Variants in TSPEAR observed in about 807,000 individuals in gnomAD.
TSPEAR encodes the protein thrombospondin-type laminin G domain and EAR repeat-containing protein.
Under a neutral mutation model 71.6 loss-of-function variants are expected in TSPEAR, and 69 were observed. The ratio of observed to expected loss-of-function variants is 0.96; its 90% CI spans 0.79 to 1.18. TSPEAR has a LOEUF of 1.18. TSPEAR is among the 50% of genes most tolerant of loss of function. TSPEAR has a pLI of 0.00. For missense variants in TSPEAR, 971 were observed against 894.9 expected, an observed-to-expected ratio of 1.09 and a Z score of -1.09; for synonymous variants, 402 against 387.2, an observed-to-expected ratio of 1.04 and a Z score of -0.45.
At chr21:44,502,150 C>A (rs587616187) in intron 11 of TSPEAR, among the ~76,000 whole-genome samples, 2 of 152,212 alleles carry the variant, frequency 1.3e-5, no homozygotes, top group African/African-American at 4.8e-5. Flanking sequence ...GTGGACCGCA[C>A]CACGCACTCA....
chr21:44,545,022 T>TA lies in TSPEAR; in HGVS notation c.304-11100dup, dbSNP rs587772545. ...ACATCAATGAGCCATTCTCTGTAAT[T>TA]AAAAAAAAAAAAAGAGGCCAGGCGC... On this transcript the variant is annotated intron_variant, in intron 2 of 11. Transcript: ENST00000323084. Among the ~76,000 whole-genome samples, 211 of 143,028 alleles carry TA rather than the reference T, an allele frequency of 1.5e-3. 2 individuals are homozygous for TA. The highest frequency in any genetic ancestry group is 7.4e-3 in the Middle Eastern group (2 of 272). The allele number at this position is 143,028 out of a possible 152,430, so 93.8% of individuals were successfully genotyped here.
intron 1 of TSPEAR, chr21:44,654,611 A>C (rs942914881): frequency 1.0e-5 from 16 of 1,556,310 alleles, no homozygotes; most frequent in Non-Finnish European, 1.1e-5. Flanking sequence ...CTGGTGTGGC[A>C]CATGATGGAG....
intron 2 of TSPEAR, chr21:44,550,956 C>A (rs781926576): frequency 6.2e-7 from 1 of 1,612,272 alleles, no homozygotes; most frequent in South Asian, 1.1e-5. Flanking sequence ...AGCCGGCTGG[C>A]AGCTAGACTG....
chr21:44,679,917 C>T (rs1325107857), intron 1 of TSPEAR, among the ~76,000 whole-genome samples: 5 of 152,040 alleles, frequency 3.3e-5, no homozygotes, highest in South Asian at 2.1e-4. Flanking sequence ...AACATAAGAC[C>T]GAAAACCATA....
At chr21:44,606,363 T>C (rs1981314926) in intron 1 of TSPEAR, among the ~76,000 whole-genome samples, 1 of 152,130 alleles carries the variant, frequency 6.6e-6, no homozygotes, top group African/African-American at 2.4e-5. Context: ...ATCAAAAAGA[T>C]GAAAGCGAAC....
intron 1 of TSPEAR, chr21:44,647,599 C>T: frequency 1.7e-6 from 1 of 581,844 alleles, no homozygotes; most frequent in South Asian, 2.2e-5. Context: ...TTGCTTATAC[C>T]CAATGTGACA....
intron 1 of TSPEAR, among the ~76,000 whole-genome samples, chr21:44,690,898 C>T (rs782287524): frequency 6.6e-5 from 10 of 152,292 alleles, no homozygotes; most frequent in Middle Eastern, 3.4e-3. Flanking sequence ...CAGGTATGCA[C>T]CACCATGCCA....
chr21:44,707,307 G>GT (rs1569271763), intron 1 of TSPEAR, among the ~76,000 whole-genome samples: 1 of 152,022 alleles, frequency 6.6e-6, no homozygotes, highest in East Asian at 1.9e-4. Context: ...CGGGGTGGGG[G>GT]GGGGTGCGGG....
At chr21:44,584,961 A>G (rs1201887425) in intron 1 of TSPEAR, among the ~76,000 whole-genome samples, 1 of 152,242 alleles carries the variant, frequency 6.6e-6, no homozygotes, top group African/African-American at 2.4e-5. Flanking sequence ...TTACATAAAA[A>G]CAAAAATCTC....
chr21:44,609,825 A>C (rs1555930500), intron 1 of TSPEAR, among the ~76,000 whole-genome samples: 1 of 152,198 alleles, frequency 6.6e-6, no homozygotes, highest in Non-Finnish European at 1.5e-5. Context: ...CTGAACACTG[A>C]TGTAACCAAA....
chr21:44,622,005 C>T (rs933375405), intron 1 of TSPEAR, among the ~76,000 whole-genome samples: 1 of 152,126 alleles, frequency 6.6e-6, no homozygotes, highest in Non-Finnish European at 1.5e-5. Flanking sequence ...ATTACCTTTT[C>T]CAAAATGTTA....
intron 3 of TSPEAR, among the ~76,000 whole-genome samples, chr21:44,532,777 C>T (rs1324855888): frequency 3.9e-5 from 6 of 152,196 alleles, no homozygotes; most frequent in Middle Eastern, 3.2e-3. Context: ...GGGGACCTAC[C>T]GTCAGGCCAC....
At chr21:44,613,975 C>A (rs587710395) in intron 1 of TSPEAR, among the ~76,000 whole-genome samples, 67 of 152,270 alleles carry the variant, frequency 4.4e-4, no homozygotes, top group African/African-American at 1.6e-3. Flanking sequence ...GGCTCCAGCT[C>A]AGGCCTCTCC....
At chr21:44,505,320 C>G (rs1036915718) in intron 10 of TSPEAR, among the ~76,000 whole-genome samples, 1 of 152,084 alleles carries the variant, frequency 6.6e-6, no homozygotes, top group African/African-American at 2.4e-5. Flanking sequence ...CTCAAGTGAT[C>G]TGCCCACCTC....
chr21:44,659,854 T>C (rs1161313865), intron 1 of TSPEAR, among the ~76,000 whole-genome samples: 2 of 152,298 alleles, frequency 1.3e-5, no homozygotes, highest in African/African-American at 4.8e-5. Flanking sequence ...TTACAATAAC[T>C]ATAATGAATA....
At chr21:44,504,296 G>A (rs71322571) in intron 11 of TSPEAR, among the ~76,000 whole-genome samples, 42 of 145,278 alleles carry the variant, frequency 2.9e-4, no homozygotes, top group Non-Finnish European at 5.1e-4. Context: ...GGAGGAAGCC[G>A]GCCTCGGTGA....
At chr21:44,597,432 C>CTTTCTTTTT (rs1980437877) in intron 1 of TSPEAR, among the ~76,000 whole-genome samples, 23 of 130,620 alleles carry the variant, frequency 1.8e-4, no homozygotes, top group African/African-American at 7.5e-4. Context: ...TTCTTTCTTT[C>CTTTCTTTTT]TTTTCTTTTT....
In TSPEAR at chr21:44,525,725, G is replaced by C; in HGVS notation, c.1264C>G (p.His422Asp). 1.2e-6 allele frequency: 2 copies of C among 1,614,194 alleles called. No individual in the cohort carries two copies. The highest frequency in any genetic ancestry group is 1.7e-6 in the Non-Finnish European group (2 of 1,180,046). Residue 422 changes from histidine (H) to aspartate (D), a missense_variant, in exon 8 of 12, where the codon CAC becomes GAC. Transcript: ENST00000323084. ...AAGGCCTCCCAGTCTCGGGCGCTGT[G>C]TGTGGCAATGCTCTGATATGGGGTA... ...KFTPYQSIAT[H>D]SARDWEAFEV...
At chr21:44,602,641 G>A (rs142971285) in intron 1 of TSPEAR, among the ~76,000 whole-genome samples, 6 of 152,334 alleles carry the variant, frequency 3.9e-5, no homozygotes, top group African/African-American at 1.4e-4. Context: ...ATCCCTGCTG[G>A]GAGTCTGGAA....
Sources: allele counts gnomAD v4.1 joint callset (sites outside exome capture counted in the v4.1 genomes callset), GRCh38; gene constraint gnomAD v4.1.1; transcripts MANE v1.5; gene names NCBI Gene and HGNC (gene_info 2026-07-23, HGNC 2026-07-21).